Variants in DPF3 observed in about 807,000 individuals in gnomAD.
DPF3 encodes zinc finger protein DPF3.
A neutral mutation model predicts 56.8 loss-of-function variants in DPF3; 18 were observed. The ratio of observed to expected loss-of-function variants is 0.32; its 90% confidence interval spans 0.22 to 0.47. The LOEUF is 0.47. Ranked by LOEUF, DPF3 falls within the 20% of genes least tolerant of loss-of-function variation. The pLI, the probability that DPF3 is intolerant of heterozygous loss-of-function variation, is 1.00. For missense variants in DPF3, 403 were observed against 488.8 expected (o/e 0.82, Z 1.65); for synonymous variants, 188 against 180.2 (o/e 1.04, Z -0.35).
At chr14:72,761,060 C>A (rs1891050008) in intron 2 of DPF3, among the ~76,000 whole-genome samples, 1 of 151,838 alleles carries the variant, frequency 6.6e-6, no homozygotes, top group Non-Finnish European at 1.5e-5. Flanking sequence ...CACCTAATAA[C>A]AAAGCTTCAA....
chr14:72,770,978 A>AC (rs34237565), intron 2 of DPF3, among the ~76,000 whole-genome samples: 85,464 of 151,672 alleles, frequency 0.56, 24,348 homozygotes, highest in Non-Finnish European at 0.6. Flanking sequence ...GGAGTTCGAG[A>AC]CAGCCTGACC....
intron 2 of DPF3, among the ~76,000 whole-genome samples, chr14:72,765,104 A>C (rs1483682942): frequency 6.6e-6 from 1 of 152,232 alleles, no homozygotes; most frequent in Non-Finnish European, 1.5e-5. Flanking sequence ...AGAATAAAAC[A>C]GTTTATTTTC....
intron 6 of DPF3, among the ~76,000 whole-genome samples, chr14:72,695,435 T>C (rs1887861350): frequency 6.6e-6 from 1 of 152,202 alleles, no homozygotes; most frequent in African/African-American, 2.4e-5. Flanking sequence ...TAAGGTAAGA[T>C]GAGAGTCTGA....
chr14:72,789,569 G>T (rs1163770043), intron 1 of DPF3, among the ~76,000 whole-genome samples: 1 of 152,112 alleles, frequency 6.6e-6, no homozygotes, highest in East Asian at 1.9e-4. Context: ...GGCTGTGCAG[G>T]AGCTCTGTCA....
intron 1 of DPF3, among the ~76,000 whole-genome samples, chr14:72,863,132 GTGTGTA>G (rs1469698290): frequency 2.5e-4 from 23 of 93,626 alleles, no homozygotes; most frequent in African/African-American, 1.3e-3. Context: ...GTGTGTGTGT[GTGTGTA>G]TATATATATG....
intron 6 of DPF3, among the ~76,000 whole-genome samples, chr14:72,711,770 A>C (rs1888662489): frequency 6.6e-6 from 1 of 152,174 alleles, no homozygotes; most frequent in African/African-American, 2.4e-5. Context: ...GCTCCTATTA[A>C]GGAAAAACAC....
At chr14:72,636,777 G>T (rs1885396179) in intron 8 of DPF3, among the ~76,000 whole-genome samples, 3 of 152,168 alleles carry the variant, frequency 2.0e-5, no homozygotes, top group South Asian at 2.1e-4. Context: ...GCAAATCGAT[G>T]ATCACAATGG....
intron 1 of DPF3, among the ~76,000 whole-genome samples, chr14:72,874,582 G>T (rs1365826659): frequency 6.6e-6 from 1 of 152,176 alleles, no homozygotes; most frequent in African/African-American, 2.4e-5. Context: ...CTCTAGGGGA[G>T]GGGGCAAAAT....
chr14:72,811,582 C>G (rs891069121), intron 1 of DPF3, among the ~76,000 whole-genome samples: 12 of 152,138 alleles, frequency 7.9e-5, no homozygotes, highest in African/African-American at 2.9e-4. Flanking sequence ...CACCCAGAAC[C>G]TTACTATCCT....
chr14:72,801,311 C>T, intron 1 of DPF3, among the ~76,000 whole-genome samples: 1 of 152,124 alleles, frequency 6.6e-6, no homozygotes. Context: ...TGTGAGGACC[C>T]CAGGATGGCT....
intron 1 of DPF3, among the ~76,000 whole-genome samples, chr14:72,876,438 A>T (rs1170158873): frequency 6.6e-6 from 1 of 152,104 alleles, no homozygotes; most frequent in Admixed American, 6.5e-5. Context: ...GACGATGAGG[A>T]GTATGAGTCT....
chr14:72,835,213 G>A (rs900427019), intron 1 of DPF3, among the ~76,000 whole-genome samples: 1 of 152,098 alleles, frequency 6.6e-6, no homozygotes. Flanking sequence ...GATTACAGGT[G>A]CACGCCACCA....
chr14:72,741,611 C>T (rs1255824690), intron 3 of DPF3, among the ~76,000 whole-genome samples: 2 of 152,222 alleles, frequency 1.3e-5, no homozygotes, highest in Non-Finnish European at 2.9e-5. Context: ...ATGATGAGAG[C>T]TAAGTCATGT....
chr14:72,870,237 C>T (rs1885844307), intron 1 of DPF3, among the ~76,000 whole-genome samples: 1 of 152,178 alleles, frequency 6.6e-6, no homozygotes, highest in Admixed American at 6.5e-5. Context: ...TACCTACCAC[C>T]CTGACAACAG....
intron 7 of DPF3, among the ~76,000 whole-genome samples, chr14:72,676,499 C>A (rs1363707227): frequency 6.6e-6 from 1 of 152,122 alleles, no homozygotes; most frequent in Non-Finnish European, 1.5e-5. Flanking sequence ...CAGATTAATT[C>A]TTGATATGGT....
At chr14:72,874,770 C>CGGGAA (rs1886044168) in intron 1 of DPF3, among the ~76,000 whole-genome samples, 1 of 152,206 alleles carries the variant, frequency 6.6e-6, no homozygotes, top group South Asian at 2.1e-4. Context: ...CACATTTTCC[C>CGGGAA]GTCTGCTTCT....
At chr14:72,878,280 A>G (rs904292913) in intron 1 of DPF3, among the ~76,000 whole-genome samples, 1 of 152,166 alleles carries the variant, frequency 6.6e-6, no homozygotes, top group African/African-American at 2.4e-5. Context: ...TGGTATCTCT[A>G]TCTCTCTCAA....
chr14:72,756,948 AGG>A, intron 2 of DPF3, among the ~76,000 whole-genome samples: 1 of 141,800 alleles, frequency 7.1e-6, no homozygotes, highest in Non-Finnish European at 1.5e-5. Flanking sequence ...GAGAAGAGAA[AGG>A]GAGAGGGAAA....
At chr14:72,644,746 G>A (rs1567187857) in intron 8 of DPF3, among the ~76,000 whole-genome samples, 1 of 152,180 alleles carries the variant, frequency 6.6e-6, no homozygotes, top group Non-Finnish European at 1.5e-5. Context: ...TGGATAAGCA[G>A]TGACAAACTC....
Sources: allele counts gnomAD v4.1 joint callset (sites outside exome capture counted in the v4.1 genomes callset), GRCh38; gene constraint gnomAD v4.1.1; transcripts MANE v1.5; gene names NCBI Gene and HGNC (gene_info 2026-07-23, HGNC 2026-07-21).